Variants in KCNQ3 observed in about 807,000 individuals in gnomAD.
KCNQ3 encodes the protein potassium voltage-gated channel subfamily KQT member 3.
A neutral mutation model predicts 92.5 loss-of-function variants in KCNQ3; 30 were observed. That is an observed-to-expected ratio of 0.32 (90% CI 0.24 to 0.44). The LOEUF (loss-of-function observed/expected upper bound fraction) is 0.44, where lower values mean the gene tolerates loss of function less well. Ranked by LOEUF, KCNQ3 falls within the 20% of genes least tolerant of loss-of-function variation. The probability of loss-of-function intolerance (pLI) is 1.00; values close to 1 mark genes in which losing one functional copy is unlikely to be tolerated. For missense variants in KCNQ3, 913 were observed against 1,140.3 expected, an observed-to-expected ratio of 0.80 and a Z score of 2.87; for synonymous variants, 450 against 468.8, an observed-to-expected ratio of 0.96 and a Z score of 0.52.
intron 1 of KCNQ3, among the ~76,000 whole-genome samples, chr8:132,406,305 G>A (rs778010667): frequency 3.9e-5 from 6 of 152,154 alleles, no homozygotes; most frequent in Non-Finnish European, 8.8e-5. Flanking sequence ...GAGGGGACTC[G>A]GGAGGATGGG....
In KCNQ3 at chr8:132,480,573, G is replaced by T; in HGVS notation, c.-41C>A. 1 of 1,257,596 alleles carries T rather than the reference G, an allele frequency of 8.0e-7. No individual in the cohort carries two copies. The highest frequency in any genetic ancestry group is 1.5e-5 in the South Asian group (1 of 65,462). The allele number at this position is 1,257,596 out of a possible 1,614,324, so 77.9% of individuals were successfully genotyped here. ...CGGCCGCTTCGCCTTCTCCGCTGCT[G>T]CTCTGGGAAGAAGGGGCGCTCGGGG... On this transcript the variant is annotated 5_prime_UTR_variant, in exon 1 of 15. Transcript: ENST00000388996.
rs1491342656 is a variant in KCNQ3 at position 132,362,705 on chromosome 8, CAG to C, written c.386+117440_386+117441del. Among the ~76,000 whole-genome samples, 4 of 152,162 alleles carry C rather than the reference CAG, an allele frequency of 2.6e-5. No homozygotes were observed. In the South Asian group the frequency reaches 6.2e-4, roughly 24 times the overall value. On this transcript the variant is annotated intron_variant, in intron 1 of 14. Coordinates refer to ENST00000388996, the MANE Select transcript of KCNQ3 (RefSeq NM_004519.4). The stretch of plus-strand genomic sequence containing the variant: ...GGGGACACAGGATTAACCAGGCAAA[CAG>C]GGGGAAGCATGAGAAAGCAGAAATC...
Position 132,175,521 on chromosome 8 carries a change from C to T in KCNQ3, c.865G>A (p.Val289Met), listed in dbSNP as rs749655951. 5 of 1,614,202 alleles carry T rather than the reference C, an allele frequency of 3.1e-6. No homozygotes were observed. The highest frequency in any genetic ancestry group is 1.3e-5 in the African/African-American group (1 of 75,064). ...VYLVEKDVPE[V>M]DAQGEEMKEE... ...TTCATCTCCTCTCCTTGTGCATCCA[C>T]CTCTGGGACGTCTTTCTCAACCAGG... Residue 289 changes from valine (V) to methionine (M), a missense_variant, in exon 5 of 15, where the codon GTG becomes ATG. Physicochemically the swap from Val to Met is conservative, Grantham distance 21. Coordinates refer to ENST00000388996, the MANE Select transcript of KCNQ3 (RefSeq NM_004519.4).
chr8:132,277,497 T>C (rs1816371915), intron 1 of KCNQ3, among the ~76,000 whole-genome samples: 1 of 152,168 alleles, frequency 6.6e-6, no homozygotes, highest in African/African-American at 2.4e-5. Context: ...ACTGCAAGGA[T>C]GCCAAATCAA....
intron 1 of KCNQ3, among the ~76,000 whole-genome samples, chr8:132,322,185 A>C (rs1817916195): frequency 6.6e-6 from 1 of 152,192 alleles, no homozygotes; most frequent in African/African-American, 2.4e-5. Flanking sequence ...AACGAATAAC[A>C]GAGAGGCCAA....
In KCNQ3 at chr8:132,388,229, T is replaced by C. The variant is rs548343067; in HGVS notation, c.386+91918A>G. 2.6e-5 allele frequency among the ~76,000 whole-genome samples: 4 copies of C among 152,342 alleles called. No individual in the cohort carries two copies. The East Asian group carries it at 7.7e-4, about 29-fold the overall frequency. On this transcript the variant is annotated intron_variant, in intron 1 of 14. Transcript: ENST00000388996. The stretch of plus-strand genomic sequence containing the variant: ...GATTCTGGAAAAGAGGCATAGTCGT[T>C]GTTTGCTCGTTAAATTTTAAATGGA...
intron 1 of KCNQ3, among the ~76,000 whole-genome samples, chr8:132,475,233 G>A (rs1393830379): frequency 6.6e-6 from 1 of 152,156 alleles, no homozygotes; most frequent in African/African-American, 2.4e-5. Context: ...GACTAATACA[G>A]GAAATTGGTG....
At chr8:132,357,658 C>G (rs139376645) in intron 1 of KCNQ3, among the ~76,000 whole-genome samples, 25 of 152,316 alleles carry the variant, frequency 1.6e-4, no homozygotes, top group Non-Finnish European at 2.9e-4. Context: ...CCATGTCGTC[C>G]AGATCTCCAA....
At chr8:132,247,520 C>A (rs994380484) in intron 1 of KCNQ3, among the ~76,000 whole-genome samples, 2 of 152,100 alleles carry the variant, frequency 1.3e-5, no homozygotes, top group African/African-American at 2.4e-5. Flanking sequence ...GGTGCAGTGG[C>A]TCACGCCTGT....
At chr8:132,288,456 T>G (rs1816741669) in intron 1 of KCNQ3, among the ~76,000 whole-genome samples, 1 of 152,236 alleles carries the variant, frequency 6.6e-6, no homozygotes, top group Admixed American at 6.5e-5. Flanking sequence ...CTGCTGCTTT[T>G]GGACTACCTG....
chr8:132,402,969 G>C lies in KCNQ3; in HGVS notation c.386+77178C>G, dbSNP rs180733379. ...GGAGGCAGAGATTGCAGTGAGCCAA[G>C]ATCGTGCCACTGTACTCCAGCCTGG... On this transcript the variant is annotated intron_variant, in intron 1 of 14. Transcript: ENST00000388996. 2.3e-5 allele frequency among the ~76,000 whole-genome samples: 3 copies of C among 130,504 alleles called. No homozygotes were observed. In the East Asian group the frequency reaches 7.0e-4, roughly 31 times the overall value. 85.6% of individuals were successfully genotyped at this position (130,504 alleles called of 152,430 possible).
intron 1 of KCNQ3, among the ~76,000 whole-genome samples, chr8:132,300,500 G>T (rs1051432478): frequency 6.6e-6 from 1 of 152,180 alleles, no homozygotes; most frequent in Non-Finnish European, 1.5e-5. Context: ...AACCTGCTGA[G>T]AGGTACCCCA....
chr8:132,264,356 C>T (rs972401695), intron 1 of KCNQ3, among the ~76,000 whole-genome samples: 1 of 152,188 alleles, frequency 6.6e-6, no homozygotes, highest in Non-Finnish European at 1.5e-5. Context: ...ATTTCACCAG[C>T]CCCCAGCTAT....
chr8:132,190,535 C>T (rs1219544458), intron 1 of KCNQ3, among the ~76,000 whole-genome samples: 2 of 152,164 alleles, frequency 1.3e-5, no homozygotes, highest in Admixed American at 6.5e-5. Flanking sequence ...GATTCTTGGA[C>T]TTGACTGCAG....
At chr8:132,293,118 C>T (rs1403449072) in intron 1 of KCNQ3, among the ~76,000 whole-genome samples, 2 of 152,198 alleles carry the variant, frequency 1.3e-5, no homozygotes, top group East Asian at 3.8e-4. Context: ...GGAAGCTCCA[C>T]ACCCCTTCCC....
At chr8:132,150,468 A>C (rs532270982) in intron 9 of KCNQ3, among the ~76,000 whole-genome samples, 1 of 152,306 alleles carries the variant, frequency 6.6e-6, no homozygotes, top group South Asian at 2.1e-4. Flanking sequence ...AGCCAGAAAC[A>C]TTGGCTGCTT....
At chr8:132,434,554 G>A (rs1201471926) in intron 1 of KCNQ3, among the ~76,000 whole-genome samples, 1 of 152,144 alleles carries the variant, frequency 6.6e-6, no homozygotes, top group Non-Finnish European at 1.5e-5. Flanking sequence ...TCTCAGGTAG[G>A]TATTTTTATC....
At chr8:132,416,562 G>A (rs1314428443) in intron 1 of KCNQ3, among the ~76,000 whole-genome samples, 1 of 152,160 alleles carries the variant, frequency 6.6e-6, no homozygotes, top group Non-Finnish European at 1.5e-5. Context: ...AGAGGCTGCA[G>A]TGTGAGCTGA....
chr8:132,307,868 C>T (rs889495095), intron 1 of KCNQ3, among the ~76,000 whole-genome samples: 4 of 152,104 alleles, frequency 2.6e-5, no homozygotes, highest in Non-Finnish European at 2.9e-5. Context: ...TTATATGAGT[C>T]GGGGAGTTGC....
Sources: gnomAD v4.1 joint callset for allele counts (sites outside exome capture counted in the v4.1 genomes callset) on GRCh38, gnomAD v4.1.1 for gene constraint, MANE v1.5 for transcripts, NCBI Gene and HGNC (gene_info 2026-07-23, HGNC 2026-07-21) for gene names.